Variants in DDOST observed in about 807,000 individuals in gnomAD.
DDOST encodes the protein dolichyl-diphosphooligosaccharide--protein glycosyltransferase 48 kDa subunit.
In DDOST, 25 loss-of-function variants were observed where a neutral mutation model predicts 47.6. That is an observed-to-expected ratio of 0.53 (90% CI 0.38 to 0.73). DDOST has a LOEUF of 0.73. DDOST is among the 30% of genes least tolerant of loss of function. The pLI, the probability that DDOST is intolerant of heterozygous loss-of-function variation, is 0.00. For synonymous variants in DDOST, 275 were observed against 236.0 expected, an observed-to-expected ratio of 1.17 and a Z score of -1.51; for missense variants, 526 against 573.9, an observed-to-expected ratio of 0.92 and a Z score of 0.85.
chr1:20,653,835 G>A (rs1028848175), intron 7 of DDOST, 61 bp from the exon 8 acceptor site: 4 of 1,565,044 alleles, frequency 2.6e-6, no homozygotes, highest in Non-Finnish European at 2.6e-6. Flanking sequence ...GGTGCCTGAT[G>A]GGCAGGACCA....
At chr1:20,653,024 C>G in intron 8 of DDOST, 53 bp from the exon 9 acceptor site, 1 of 1,608,724 alleles carries the variant, frequency 6.2e-7, no homozygotes, top group Admixed American at 1.7e-5. Flanking sequence ...AGGCCTTCCA[C>G]CACCTGCAGG....
chr1:20,654,384 C>G lies in DDOST; in HGVS notation c.646-13G>C. ...CCGCATGTGGATACTGGGAACAAAACGAGGCTGTGACCCAAGCAGTTCCAA... is the reference window on the plus strand; with the variant it reads ...CCGCATGTGGATACTGGGAACAAAAGGAGGCTGTGACCCAAGCAGTTCCAA... On this transcript the variant is annotated splice_polypyrimidine_tract_variant and intron_variant, in intron 6 of 10. Transcript: ENST00000602624. The G allele has an allele frequency of 6.4e-7, 1 of 1,557,020 alleles. No homozygotes were observed. The highest frequency in any genetic ancestry group is 8.7e-7 in the Non-Finnish European group (1 of 1,149,470).
chr1:20,659,662 C>T (rs2154534402), intron 2 of DDOST, among the ~76,000 whole-genome samples: 1 of 152,284 alleles, frequency 6.6e-6, no homozygotes, highest in South Asian at 2.1e-4. Flanking sequence ...CTCCAAAAAG[C>T]CAATTCCAAA....
chr1:20,659,215 A>C (rs2053409237), intron 2 of DDOST, among the ~76,000 whole-genome samples: 1 of 151,314 alleles, frequency 6.6e-6, no homozygotes, highest in African/African-American at 2.4e-5. Context: ...GGTAGTTATT[A>C]GCACAGGAGA....
chr1:20,660,149 G>A (rs1338532477), intron 2 of DDOST, among the ~76,000 whole-genome samples: 2 of 152,216 alleles, frequency 1.3e-5, no homozygotes, highest in African/African-American at 2.4e-5. Flanking sequence ...AATAAGCTGT[G>A]ATTATGTGAA....
Position 20,652,967 on chromosome 1 carries a change from T to C in DDOST, c.947A>G (p.Tyr316Cys). 1.2e-6 allele frequency: 2 copies of C among 1,614,210 alleles called. No individual in the cohort carries two copies. Among genetic ancestry groups the C allele is most frequent in the Middle Eastern group, 1.6e-4 (1 of 6,062 alleles). Residue 316 changes from tyrosine to cysteine, a missense_variant, in exon 9 of 11, where the codon TAT (tyrosine) becomes TGT (cysteine). Physicochemically the swap from Tyr to Cys is radical, Grantham distance 194. Transcript: ENST00000602624. ...TGAGAGCTGCTGGATCACGATGCTA[T>C]ACTCCTGAGATAAAAGGCCAGGTTA... ...NAYTVTDLVE[Y>C]SIVIQQLSNG...
chr1:20,655,249 G>A (rs1290118474), intron 5 of DDOST, among the ~76,000 whole-genome samples, 191 bp downstream of exon 5: 1 of 149,058 alleles, frequency 6.7e-6, no homozygotes, highest in African/African-American at 2.5e-5. Context: ...GGCCTCAAGC[G>A]ATCCTCCTGC....
chr1:20,656,335 ACAC>A (rs2053374264), intron 2 of DDOST, 148 bp from the exon 3 acceptor site: 1 of 633,084 alleles, frequency 1.6e-6, no homozygotes. Flanking sequence ...GAGGCTTCCC[ACAC>A]CACATCCCAG....
intron 7 of DDOST, among the ~76,000 whole-genome samples, 160 bp from the exon 8 acceptor site, chr1:20,653,934 C>T (rs1167694286): frequency 1.3e-5 from 2 of 152,196 alleles, no homozygotes; most frequent in African/African-American, 4.8e-5. Flanking sequence ...ACGCAGGAAA[C>T]AAACGAAAAG....
At position 20,655,405 on chromosome 1, in the gene DDOST, G is replaced by C. The variant is rs752665292; in HGVS notation, c.551+35C>G. On this transcript the variant is annotated intron_variant, in intron 5 of 10. Coordinates refer to ENST00000602624, the MANE Select transcript of DDOST (RefSeq NM_005216.5). Reference sequence around the variant, plus strand: ...AATTAAGTGACCCCTTCTTCCCCCAGGTTTCTGCTGTCCTCTCCCTGCTCA... The same window carrying C: ...AATTAAGTGACCCCTTCTTCCCCCACGTTTCTGCTGTCCTCTCCCTGCTCA... 3.3e-6 allele frequency: 5 copies of C among 1,527,008 alleles called. No individual in the cohort carries two copies. In the East Asian group the frequency reaches 9.0e-5, roughly 28 times the overall value. The allele number at this position is 1,527,008 out of a possible 1,614,324, so 94.6% of individuals were successfully genotyped here.
chr1:20,652,309 C>G lies in DDOST; in HGVS notation c.*70G>C. ...TCCCACGGCTTTAAACAAAGCAAAA[C>G]AAAACCACCAATCCTAATAACCCCC... On this transcript the variant is annotated 3_prime_UTR_variant, in exon 11 of 11. Transcript: ENST00000602624. 1 of 1,443,760 alleles carries G rather than the reference C, an allele frequency of 6.9e-7. No individual in the cohort carries two copies. The highest frequency in any genetic ancestry group is 9.1e-7 in the Non-Finnish European group (1 of 1,093,038). The allele number at this position is 1,443,760 out of a possible 1,614,324, so 89.4% of individuals were successfully genotyped here. A position where few individuals can be genotyped will look rare whatever the true frequency, so the allele number is the denominator to read the frequency against.
At chr1:20,655,403 C>T (rs2154534272) in intron 5 of DDOST, 37 bp downstream of exon 5, 1 of 1,507,550 alleles carries the variant, frequency 6.6e-7, no homozygotes, top group East Asian at 2.3e-5. Context: ...CTTCTTCCCC[C>T]AGGTTTCTGC....
intron 6 of DDOST, 71 bp from the exon 7 acceptor site, chr1:20,654,442 G>A (rs2053342657): frequency 1.3e-6 from 2 of 1,528,594 alleles, no homozygotes; most frequent in Non-Finnish European, 1.8e-6. Flanking sequence ...TCCCGAACAA[G>A]AGGACAGCAG....
intron 5 of DDOST, 45 bp downstream of exon 5, chr1:20,655,395 T>G: frequency 6.8e-7 from 1 of 1,473,300 alleles, no homozygotes; most frequent in Non-Finnish European, 9.4e-7. Flanking sequence ...AGTGACCCCT[T>G]CTTCCCCCAG....
chr1:20,659,121 G>C (rs2053408135), intron 2 of DDOST, among the ~76,000 whole-genome samples: 1 of 150,898 alleles, frequency 6.6e-6, no homozygotes, highest in African/African-American at 2.4e-5. Flanking sequence ...GCCTCCCAAA[G>C]TGATGGGATT....
At chr1:20,660,117 C>A (rs1164101538) in intron 2 of DDOST, among the ~76,000 whole-genome samples, 1 of 152,108 alleles carries the variant, frequency 6.6e-6, no homozygotes, top group Non-Finnish European at 1.5e-5. Context: ...TGGGGATGTT[C>A]AGTCTGGAGG....
intron 10 of DDOST, 23 bp from the exon 11 acceptor site, chr1:20,652,551 G>C (rs779611800): frequency 6.2e-7 from 1 of 1,613,966 alleles, no homozygotes; most frequent in South Asian, 1.1e-5. Context: ...AGAGGTGGCA[G>C]GACCTGGCCA....
rs1233567275 is a variant in DDOST at position 20,657,740 on chromosome 1, CCTGA to C, written c.266-1557_266-1554del. 7.2e-5 allele frequency among the ~76,000 whole-genome samples: 11 copies of C among 152,340 alleles called. No homozygotes were observed. In the East Asian group the frequency reaches 2.1e-3, roughly 29 times the overall value. On this transcript the variant is annotated intron_variant, in intron 2 of 10. Coordinates refer to ENST00000602624, the MANE Select transcript of DDOST (RefSeq NM_005216.5). ...TCAGCAGAAAACTAAAAGCGCCTTA[CCTGA>C]CTGACTTTCAGGCATACGCAGAAGC...
chr1:20,655,661 G>C lies in DDOST; in HGVS notation c.456+15C>G. 1 of 1,604,860 alleles carries C rather than the reference G, an allele frequency of 6.2e-7. No homozygotes were observed. Among genetic ancestry groups the C allele is most frequent in the Middle Eastern group, 1.7e-4 (1 of 6,042 alleles). On this transcript the variant is annotated intron_variant, in intron 4 of 10. Coordinates refer to ENST00000602624, the MANE Select transcript of DDOST (RefSeq NM_005216.5). ...CATATGCCCCTGAAACCTGGAAGGT[G>C]ACAGGCCTGATTACCTGGCCAAGGT...
Sources: allele counts gnomAD v4.1 joint callset (sites outside exome capture counted in the v4.1 genomes callset), GRCh38; gene constraint gnomAD v4.1.1; transcripts MANE v1.5; gene names NCBI Gene and HGNC (gene_info 2026-07-23, HGNC 2026-07-21).